TBCD: variants seen among roughly 807,000 people sequenced by gnomAD.
The protein encoded by TBCD is tubulin folding cofactor D, also known as tubulin-specific chaperone D.
Under a neutral mutation model 169.3 loss-of-function variants are expected in TBCD, and 105 were observed. The observed-to-expected ratio is 0.62, with a 90% CI of 0.53 to 0.73. TBCD has a LOEUF of 0.73. TBCD is among the 30% of genes least tolerant of loss of function. TBCD has a pLI of 0.00. For missense variants in TBCD, 1,444 were observed against 1,600.1 expected (o/e 0.90, Z 1.66); for synonymous variants, 700 against 643.9 (o/e 1.09, Z -1.32).
At chr17:82,815,061 C>T in intron 13 of TBCD, 127 bp downstream of exon 13, 2 of 1,439,998 alleles carry the variant, frequency 1.4e-6, no homozygotes, top group South Asian at 2.7e-5. Context: ...CGTCACCAGG[C>T]TGTCCGTGGC....
chr17:82,807,569 G>C, intron 10 of TBCD, 39 bp from the exon 11 acceptor site: 1 of 1,433,536 alleles, frequency 7.0e-7, no homozygotes, highest in Non-Finnish European at 9.2e-7. Flanking sequence ...TAGGAACTTT[G>C]TGTGGACTCT....
At chr17:82,803,888 G>A (rs1315755697) in intron 9 of TBCD, among the ~76,000 whole-genome samples, 1 of 147,994 alleles carries the variant, frequency 6.8e-6, no homozygotes, top group African/African-American at 2.5e-5. Context: ...GGGGGCTGGG[G>A]TGTGCCAGCC....
intron 24 of TBCD, 54 bp from the exon 25 acceptor site, chr17:82,921,447 T>C (rs924236453): frequency 1.4e-6 from 2 of 1,458,818 alleles, no homozygotes; most frequent in African/African-American, 2.8e-5. Flanking sequence ...GCTGTTGTTT[T>C]TGATTTCATG....
At position 82,831,908 on chromosome 17, in the gene TBCD, C is replaced by A. The variant is rs2053550998; in HGVS notation, c.1318+16974C>A. On this transcript the variant is annotated intron_variant, in intron 13 of 38. Coordinates refer to ENST00000355528, the MANE Select transcript of TBCD (RefSeq NM_005993.5). This position sits in a 1 kb window ranked among gnomAD's most constrained non-coding sequence, Gnocchi z 4.6. ...GCCTTGGCAGTGGGGTTGTGTAAAGCCAGTGTCTCGGGCGCCTCGGCGTTG... is the reference window on the plus strand; with the variant it reads ...GCCTTGGCAGTGGGGTTGTGTAAAGACAGTGTCTCGGGCGCCTCGGCGTTG... 1 of 1,614,080 alleles carries A rather than the reference C, an allele frequency of 6.2e-7. No individual in the cohort carries two copies. Among genetic ancestry groups the A allele is most frequent in the African/African-American group, 1.3e-5 (1 of 74,930 alleles).
At chr17:82,921,083 C>T in intron 24 of TBCD, 1 of 251,838 alleles carries the variant, frequency 4.0e-6, no homozygotes, top group Admixed American at 5.1e-5. Flanking sequence ...GCTGTCTCAG[C>T]AGCCTCAGAA....
At chr17:82,847,356 G>GAAAAAA (rs1041994030) in intron 13 of TBCD, among the ~76,000 whole-genome samples, 177 of 81,422 alleles carry the variant, frequency 2.2e-3, no homozygotes, top group Middle Eastern at 0.014. Flanking sequence ...CCATGTCAAA[G>GAAAAAA]AAAAAAAAAA....
chr17:82,865,074 A>G (rs1421146897), intron 13 of TBCD, among the ~76,000 whole-genome samples: 1 of 152,156 alleles, frequency 6.6e-6, no homozygotes, highest in East Asian at 1.9e-4. Flanking sequence ...GCTTCTCTAC[A>G]ACGTCCTGTG....
intron 14 of TBCD, among the ~76,000 whole-genome samples, chr17:82,872,954 C>T (rs532182706): frequency 5.5e-4 from 80 of 144,470 alleles, no homozygotes; most frequent in Non-Finnish European, 1.1e-3. Flanking sequence ...CCCGGCACCT[C>T]GTGGCCGACG....
chr17:82,905,506 CTCCCGGCCCTGTGTGGGTGCGTGTGGGCT>C (rs2060180989), intron 19 of TBCD, among the ~76,000 whole-genome samples: 1 of 144,324 alleles, frequency 6.9e-6, no homozygotes, highest in Non-Finnish European at 1.5e-5. Flanking sequence ...GTCGCCTGCC[CTCCCGGCCCTGTGTGGGTGCGTGTGGGCT>C]TCCCACAGGT....
intron 2 of TBCD, among the ~76,000 whole-genome samples, chr17:82,761,143 G>A (rs2047733929): frequency 6.6e-6 from 1 of 151,964 alleles, no homozygotes; most frequent in Non-Finnish European, 1.5e-5. Context: ...TTTGTATTCT[G>A]AGTAGAGACA....
At chr17:82,778,909 G>A (rs1380514987) in intron 6 of TBCD, among the ~76,000 whole-genome samples, 6 of 152,150 alleles carry the variant, frequency 3.9e-5, no homozygotes, top group African/African-American at 1.2e-4. Context: ...TGATCCACCC[G>A]TCTTGACCTC....
chr17:82,881,788 C>G (rs1205905975), intron 14 of TBCD, among the ~76,000 whole-genome samples: 1 of 152,192 alleles, frequency 6.6e-6, no homozygotes, highest in Non-Finnish European at 1.5e-5. Context: ...AAAGATGCTT[C>G]CTATGTTTAT....
intron 13 of TBCD, among the ~76,000 whole-genome samples, chr17:82,816,614 A>C (rs560628666): frequency 6.6e-6 from 1 of 151,354 alleles, no homozygotes; most frequent in South Asian, 2.1e-4. Context: ...GCTCACTGTA[A>C]TCTCTGCCTC....
At position 82,903,556 on chromosome 17, in the gene TBCD, G is replaced by A; in HGVS notation, c.1804+78G>A. The A allele has an allele frequency of 7.1e-7, 1 of 1,408,818 alleles. No homozygotes were observed. Among genetic ancestry groups the A allele is most frequent in the Admixed American group, 2.1e-5 (1 of 47,894 alleles). 87.3% of individuals were successfully genotyped at this position (1,408,818 alleles called of 1,614,324 possible). A position where few individuals can be genotyped will look rare whatever the true frequency, so the allele number is the denominator to read the frequency against. The stretch of plus-strand genomic sequence containing the variant: ...GCCTGGGTTGCTGGTTTCAAAGGCT[G>A]GGGGCTGAAAATAAGGTTGTGCTTC... On this transcript the variant is annotated intron_variant, in intron 19 of 38. Coordinates refer to ENST00000355528, the MANE Select transcript of TBCD (RefSeq NM_005993.5). This position sits in a 1 kb window ranked among gnomAD's most constrained non-coding sequence, Gnocchi z 4.8.
At chr17:82,891,165 C>T (rs1345391890) in intron 16 of TBCD, among the ~76,000 whole-genome samples, 3 of 152,210 alleles carry the variant, frequency 2.0e-5, no homozygotes, top group African/African-American at 4.8e-5. Context: ...TAGGGAGCCA[C>T]GGGGCCCTGC....
chr17:82,830,153 G>A lies in TBCD; in HGVS notation c.1318+15219G>A. 8.1e-6 allele frequency: 13 copies of A among 1,613,850 alleles called. No homozygotes were observed. Among genetic ancestry groups the A allele is most frequent in the Non-Finnish European group, 1.1e-5 (13 of 1,180,028 alleles). ...GTGTGAACCCGGCGTTAGGACACCC[G>A]GGCCCTCCTTCGTAGTGTGAACACT... On this transcript the variant is annotated intron_variant, in intron 13 of 38. Transcript: ENST00000355528.
In TBCD at chr17:82,930,529, A is replaced by G; in HGVS notation, c.2999A>G (p.His1000Arg). ...LGGLTESTIR[H>R]STQSLFEYMK... ...GGTGTCTCCGTGTTGCAGATCCGGC[A>G]CTCCACCCAGAGCCTCTTTGAGTAC... The change falls in exon 33 of 39, where the codon CAC (histidine) becomes CGC (arginine). Residue 1000 changes from histidine (H) to arginine (R), a missense_variant. His to Arg is a conservative substitution (Grantham distance 29). Coordinates refer to ENST00000355528, the MANE Select transcript of TBCD (RefSeq NM_005993.5). The surrounding 1 kb of genome is among the most constrained non-coding windows in gnomAD (Gnocchi z 5.2). The G allele has an allele frequency of 6.2e-7, 1 of 1,612,424 alleles. No homozygotes were observed. Among genetic ancestry groups the G allele is most frequent in the East Asian group, 2.2e-5 (1 of 44,822 alleles).
chr17:82,921,355 G>A (rs1226358192), intron 24 of TBCD, 146 bp from the exon 25 acceptor site: 1 of 687,902 alleles, frequency 1.5e-6, no homozygotes, highest in Non-Finnish European at 2.6e-6. Context: ...ACAACGTGGA[G>A]AATGTTCACT....
chr17:82,799,589 C>G (rs543829996), intron 8 of TBCD, among the ~76,000 whole-genome samples: 1 of 152,052 alleles, frequency 6.6e-6, no homozygotes, highest in African/African-American at 2.4e-5. Context: ...CAGGAGTGTG[C>G]GAGTTTTCGT....
Sources: gnomAD v4.1 joint callset for allele counts (sites outside exome capture counted in the v4.1 genomes callset) on GRCh38, gnomAD v4.1.1 for gene constraint, Gnocchi (gnomAD v3.1) non-coding constraint, MANE v1.5 for transcripts, NCBI Gene and HGNC (gene_info 2026-07-23, HGNC 2026-07-21) for gene names.